PTPRG: variants seen among roughly 807,000 people sequenced by gnomAD.
PTPRG encodes the protein receptor-type tyrosine-protein phosphatase gamma.
A neutral mutation model predicts 165.3 loss-of-function variants in PTPRG; 102 were observed. The ratio of observed to expected loss-of-function variants is 0.62; its 90% CI spans 0.53 to 0.73. The LOEUF is 0.73. Among genes scored for constraint, PTPRG ranks in the 30% least tolerant of loss-of-function variants. The pLI, the probability that PTPRG is intolerant of heterozygous loss-of-function variation, is 0.00. For synonymous variants in PTPRG, 675 were observed against 669.5 expected, an observed-to-expected ratio of 1.01 and a Z score of -0.13; for missense variants, 1,866 against 1,861.4, an observed-to-expected ratio of 1.00 and a Z score of -0.05.
chr3:61,573,800 A>T (rs533719311), intron 1 of PTPRG, among the ~76,000 whole-genome samples: 62 of 152,296 alleles, frequency 4.1e-4, no homozygotes, highest in Admixed American at 2.4e-3. Flanking sequence ...ATGTTTGTAT[A>T]TTGTGTCTTA....
intron 2 of PTPRG, among the ~76,000 whole-genome samples, chr3:61,968,932 T>C (rs2040329751): frequency 6.6e-6 from 1 of 152,204 alleles, no homozygotes; most frequent in South Asian, 2.1e-4. Context: ...CTTTGAGACA[T>C]GGTGTTGTCT....
At chr3:61,712,176 G>T (rs935550436) in intron 1 of PTPRG, among the ~76,000 whole-genome samples, 4 of 152,238 alleles carry the variant, frequency 2.6e-5, no homozygotes, top group African/African-American at 9.6e-5. Context: ...TTACAGGTGT[G>T]AGCCACCGCG....
intron 2 of PTPRG, among the ~76,000 whole-genome samples, chr3:61,985,493 A>G (rs1203696696): frequency 1.3e-5 from 2 of 152,234 alleles, no homozygotes; most frequent in Non-Finnish European, 2.9e-5. Flanking sequence ...TGCTCTAAGC[A>G]CATGGATTAT....
intron 2 of PTPRG, among the ~76,000 whole-genome samples, chr3:61,987,669 C>T (rs975751103): frequency 1.3e-5 from 2 of 150,014 alleles, no homozygotes; most frequent in African/African-American, 5.1e-5. Context: ...CATTTAGATT[C>T]CATAATTTGG....
At chr3:62,076,845 T>G (rs1375899491) in intron 4 of PTPRG, among the ~76,000 whole-genome samples, 1 of 152,192 alleles carries the variant, frequency 6.6e-6, no homozygotes, top group Non-Finnish European at 1.5e-5. Flanking sequence ...CCTCCCAAAG[T>G]GCTGGGATTA....
intron 8 of PTPRG, among the ~76,000 whole-genome samples, chr3:62,189,205 TC>T (rs1303911299): frequency 6.6e-6 from 1 of 152,012 alleles, no homozygotes; most frequent in Admixed American, 6.6e-5. Context: ...CTCCCTCCCT[TC>T]CTTCCGTTTC....
At chr3:61,992,019 A>T (rs1402787899) in intron 3 of PTPRG, among the ~76,000 whole-genome samples, 1 of 152,198 alleles carries the variant, frequency 6.6e-6, no homozygotes, top group Non-Finnish European at 1.5e-5. Flanking sequence ...ATTTTAGAGC[A>T]AAGCTATCCA....
In PTPRG at chr3:62,097,306, A is replaced by G. The variant is rs147055337; in HGVS notation, c.615+19048A>G. ...ATGTGACTCCTATTAAATGCAGTTC[A>G]GGATGTTCTGCCAAAGGCGATATTA... On this transcript the variant is annotated intron_variant, in intron 5 of 29. Coordinates refer to ENST00000474889, the MANE Select transcript of PTPRG (RefSeq NM_002841.4). Among the ~76,000 whole-genome samples the G allele has an allele frequency of 8.4e-3, 1,284 of 152,320 alleles. 16 individuals carry two copies. The highest frequency in any genetic ancestry group is 0.025 in the African/African-American group (1,031 of 41,574).
At chr3:61,885,662 CTCTCCTCTCCTCT>C (rs2038009952) in intron 2 of PTPRG, among the ~76,000 whole-genome samples, 3 of 32,936 alleles carry the variant, frequency 9.1e-5, no homozygotes, top group African/African-American at 2.2e-4. Flanking sequence ...TCCTTCTCTC[CTCTCCTCTCCTCT>C]CCTCTCCTCT....
chr3:62,055,198 T>G (rs1203014028), intron 4 of PTPRG, among the ~76,000 whole-genome samples: 2 of 152,224 alleles, frequency 1.3e-5, no homozygotes, highest in African/African-American at 4.8e-5. Context: ...ATTGCAAAAT[T>G]TAAAGCAGTA....
At chr3:62,063,869 T>C (rs371452355) in intron 4 of PTPRG, among the ~76,000 whole-genome samples, 15 of 152,236 alleles carry the variant, frequency 9.9e-5, no homozygotes, top group East Asian at 9.7e-4. Flanking sequence ...GTGCGTTTCA[T>C]TGTGGTAAAA....
chr3:61,849,855 C>T (rs1484183715), intron 2 of PTPRG, among the ~76,000 whole-genome samples: 2 of 152,168 alleles, frequency 1.3e-5, no homozygotes, highest in Non-Finnish European at 2.9e-5. Flanking sequence ...TATTTTAGGT[C>T]TGTTTCTGCG....
chr3:61,592,659 T>A (rs1700601665), intron 1 of PTPRG, among the ~76,000 whole-genome samples: 5 of 151,248 alleles, frequency 3.3e-5, no homozygotes, highest in Admixed American at 6.6e-5. Flanking sequence ...CTTTTTTTTT[T>A]TTTTTAAGAA....
intron 4 of PTPRG, among the ~76,000 whole-genome samples, chr3:62,063,363 C>G (rs1348395694): frequency 6.6e-6 from 1 of 152,192 alleles, no homozygotes; most frequent in Non-Finnish European, 1.5e-5. Context: ...TCAGAAAATG[C>G]CTCTCTCTAA....
At chr3:61,780,621 A>G (rs1288703378) in intron 2 of PTPRG, among the ~76,000 whole-genome samples, 1 of 152,166 alleles carries the variant, frequency 6.6e-6, no homozygotes, top group African/African-American at 2.4e-5. Context: ...GGGAGCCTGC[A>G]TTCTTCCCTG....
intron 4 of PTPRG, among the ~76,000 whole-genome samples, chr3:62,056,723 C>T (rs1472638096): frequency 1.3e-5 from 2 of 152,136 alleles, no homozygotes; most frequent in African/African-American, 2.4e-5. Context: ...GGGGTAATTA[C>T]GATTACTGCA....
intron 2 of PTPRG, among the ~76,000 whole-genome samples, chr3:61,797,105 T>TC (rs1414960095): frequency 1.3e-5 from 2 of 152,190 alleles, no homozygotes; most frequent in African/African-American, 2.4e-5. Context: ...TTCGTATTCT[T>TC]CCCAGGAGCT....
chr3:62,067,818 G>A (rs545533343), intron 4 of PTPRG, among the ~76,000 whole-genome samples: 1 of 152,258 alleles, frequency 6.6e-6, no homozygotes, highest in Non-Finnish European at 1.5e-5. Flanking sequence ...CAGATGAGGG[G>A]GTTAGGGACC....
chr3:61,670,886 C>T (rs1357197000), intron 1 of PTPRG, among the ~76,000 whole-genome samples: 1 of 152,160 alleles, frequency 6.6e-6, no homozygotes, highest in African/African-American at 2.4e-5. Context: ...AATCCCTGCT[C>T]TCCGGAGGCT....
Sources: gnomAD v4.1 joint callset for allele counts (sites outside exome capture counted in the v4.1 genomes callset) on GRCh38, gnomAD v4.1.1 for gene constraint, MANE v1.5 for transcripts, NCBI Gene and HGNC (gene_info 2026-07-23, HGNC 2026-07-21) for gene names.